Variants in PARP8 observed in about 807,000 individuals in gnomAD.
PARP8 encodes the protein protein mono-ADP-ribosyltransferase PARP8.
Under a neutral mutation model 124.1 loss-of-function variants are expected in PARP8, and 51 were observed. The observed-to-expected ratio is 0.41, with a 90% CI of 0.33 to 0.52. The LOEUF is 0.52. PARP8 is among the 20% of genes least tolerant of loss of function. The pLI is 0.21. For missense variants in PARP8, 860 were observed against 1,018.9 expected (o/e 0.84, Z 2.12); for synonymous variants, 391 against 361.5 (o/e 1.08, Z -0.93).
intron 7 of PARP8, among the ~76,000 whole-genome samples, chr5:50,770,321 C>T (rs1169537854): frequency 6.6e-6 from 1 of 152,140 alleles, no homozygotes; most frequent in Non-Finnish European, 1.5e-5. Flanking sequence ...CCCCTTCACA[C>T]TCCTGAAACT....
chr5:50,767,804 C>T (rs1006096161), intron 7 of PARP8, among the ~76,000 whole-genome samples: 1 of 152,174 alleles, frequency 6.6e-6, no homozygotes, highest in African/African-American at 2.4e-5. Context: ...GCAAAAACCA[C>T]ACATTGAGTA....
At chr5:50,807,831 T>C (rs1246979433) in intron 14 of PARP8, among the ~76,000 whole-genome samples, 3 of 152,114 alleles carry the variant, frequency 2.0e-5, no homozygotes, top group Non-Finnish European at 2.9e-5. Flanking sequence ...ATGAGAATTA[T>C]GATCTCATTC....
rs564753054 is a variant in PARP8 at position 50,728,751 on chromosome 5, T to A, written c.147-21400T>A. Among the ~76,000 whole-genome samples the A allele has an allele frequency of 1.3e-3, 202 of 152,230 alleles. 1 individual carries two copies. The highest frequency in any genetic ancestry group is 4.8e-3 in the African/African-American group (200 of 41,566). ...ATCAAGGAAGTTAGCTGTTTTTGAG[T>A]TGATAACTTCTCCATCAAAGTTTAA... On this transcript the variant is annotated intron_variant, in intron 2 of 25. Transcript: ENST00000281631.
intron 7 of PARP8, among the ~76,000 whole-genome samples, chr5:50,765,211 G>A (rs1760941390): frequency 2.0e-5 from 3 of 151,676 alleles, no homozygotes. Flanking sequence ...GCAGTGAGCT[G>A]AGATCGTGGC....
intron 14 of PARP8, among the ~76,000 whole-genome samples, chr5:50,811,809 A>T (rs190371011): frequency 6.6e-6 from 1 of 152,062 alleles, no homozygotes; most frequent in African/African-American, 2.4e-5. Flanking sequence ...TCATTGTTCA[A>T]TTCCCACCTA....
intron 10 of PARP8, among the ~76,000 whole-genome samples, chr5:50,792,289 A>T (rs1742048917): frequency 1.3e-5 from 2 of 152,102 alleles, no homozygotes; most frequent in African/African-American, 4.8e-5. Context: ...ATGTGTTCAT[A>T]TGTATACTCC....
intron 15 of PARP8, among the ~76,000 whole-genome samples, chr5:50,819,182 C>CT (rs1022670383): frequency 7.9e-5 from 12 of 151,866 alleles, no homozygotes; most frequent in Admixed American, 3.9e-4. Flanking sequence ...AGTAGTTACA[C>CT]TTTTTTTTGA....
chr5:50,769,989 G>A (rs1761438848), intron 7 of PARP8, among the ~76,000 whole-genome samples: 2 of 151,936 alleles, frequency 1.3e-5, no homozygotes, highest in South Asian at 2.1e-4. Context: ...TGATATATAA[G>A]TACTGTTTTT....
intron 2 of PARP8, among the ~76,000 whole-genome samples, chr5:50,701,403 G>A (rs2149475619): frequency 6.6e-6 from 1 of 152,204 alleles, no homozygotes; most frequent in East Asian, 1.9e-4. Flanking sequence ...CTTTGGCATA[G>A]TGAATTTGGT....
At position 50,760,330 on chromosome 5, in the gene PARP8, A is replaced by G. The variant is rs1484307479; in HGVS notation, c.313A>G (p.Ile105Val). Reference protein sequence around the residue: ...KTNDINCCLSIKSKLQKENGE... With the variant: ...KTNDINCCLSVKSKLQKENGE... ...AAATGACATTAACTGTTGCTTATCCATAAAATCCAAATTACAAAAGGAAAA... is the reference window on the plus strand; with the variant it reads ...AAATGACATTAACTGTTGCTTATCCGTAAAATCCAAATTACAAAAGGAAAA... Residue 105 changes from isoleucine (I) to valine (V), a missense_variant, in exon 5 of 26, where the codon ATA (isoleucine) becomes GTA (valine). By Grantham distance (29) the Ile-to-Val change is conservative (BLOSUM62 3). This residue lies in a region of PARP8 where 517 missense variants were observed against 544.2 expected (regional missense o/e 0.95). Transcript: ENST00000281631. 2.6e-6 allele frequency: 4 copies of G among 1,537,404 alleles called. No homozygotes were observed. Among genetic ancestry groups the G allele is most frequent in the East Asian group, 4.6e-5 (2 of 43,444 alleles).
chr5:50,751,799 G>A (rs1759295781), intron 3 of PARP8, among the ~76,000 whole-genome samples: 1 of 152,130 alleles, frequency 6.6e-6, no homozygotes, highest in African/African-American at 2.4e-5. Flanking sequence ...CTCTGGGGAA[G>A]TAGTGTTAGT....
intron 4 of PARP8, 125 bp downstream of exon 4, chr5:50,759,857 C>A: frequency 1.8e-6 from 2 of 1,140,336 alleles, no homozygotes; most frequent in South Asian, 2.2e-5. Flanking sequence ...AATCCAGTCT[C>A]CATACAAATT....
At position 50,846,200 on chromosome 5, in the gene PARP8, T is replaced by G. The variant is rs1298677676; in HGVS notation, c.*4132T>G. On this transcript the variant is annotated 3_prime_UTR_variant, in exon 26 of 26. Coordinates refer to ENST00000281631, the MANE Select transcript of PARP8 (RefSeq NM_024615.4). ...GATTTTTAAAAATGCATCCGCTCCA[T>G]TATGTAAACATTAAGATATGCCTAT... 1 of 151,828 alleles carries G rather than the reference T, an allele frequency of 6.6e-6. No individual in the cohort carries two copies. The highest frequency in any genetic ancestry group is 1.5e-5 in the Non-Finnish European group (1 of 67,804). 9.4% of individuals were successfully genotyped at this position (151,828 alleles called of 1,614,324 possible).
chr5:50,789,681 T>C (rs1741727440), intron 10 of PARP8, among the ~76,000 whole-genome samples: 1 of 152,190 alleles, frequency 6.6e-6, no homozygotes, highest in South Asian at 2.1e-4. Flanking sequence ...CTATACTTAA[T>C]ATCAGCTTTA....
Position 50,666,975 on chromosome 5 carries a change from T to A in PARP8, c.-121T>A. 1 of 1,398,386 alleles carries A rather than the reference T, an allele frequency of 7.2e-7. No individual in the cohort carries two copies. The highest frequency in any genetic ancestry group is 9.4e-7 in the Non-Finnish European group (1 of 1,060,214). 86.6% of individuals were successfully genotyped at this position (1,398,386 alleles called of 1,614,324 possible). On this transcript the variant is annotated 5_prime_UTR_variant, in exon 1 of 26. Coordinates refer to ENST00000281631, the MANE Select transcript of PARP8 (RefSeq NM_024615.4). ...GGATCACTTCCGAAACCACTTCGCC[T>A]TCAGCCCCTGCCTCGGCCAGAGGTT...
chr5:50,703,397 C>T (rs1753799040), intron 2 of PARP8, among the ~76,000 whole-genome samples: 1 of 151,668 alleles, frequency 6.6e-6, no homozygotes, highest in South Asian at 2.1e-4. Context: ...TTGTCTTCAT[C>T]ATTTATTCTG....
rs577967516 is a variant in PARP8, at chr5:50,670,028, G to A, written c.146+1903G>A. Reference sequence around the variant, plus strand: ...AAAAAGTTGTTACAGTGTAGTAACCGTAGATAATCCCTTTATGATTTGTAC... The same window carrying A: ...AAAAAGTTGTTACAGTGTAGTAACCATAGATAATCCCTTTATGATTTGTAC... On this transcript the variant is annotated intron_variant, in intron 2 of 25. Coordinates refer to ENST00000281631, the MANE Select transcript of PARP8 (RefSeq NM_024615.4). Among the ~76,000 whole-genome samples, 20 of 152,310 alleles carry A rather than the reference G, an allele frequency of 1.3e-4. No individual in the cohort carries two copies. In the South Asian group the frequency reaches 3.5e-3, roughly 27 times the overall value.
At chr5:50,822,297 C>CA (rs763633982) in intron 16 of PARP8, 38 bp from the exon 17 acceptor site, 2 of 1,440,502 alleles carry the variant, frequency 1.4e-6, no homozygotes, top group Admixed American at 3.4e-5. Context: ...AGCTTATAAG[C>CA]AAATGCTGTT....
chr5:50,812,848 G>A (rs1294499720), intron 14 of PARP8, among the ~76,000 whole-genome samples: 3 of 152,266 alleles, frequency 2.0e-5, no homozygotes, highest in East Asian at 3.9e-4. Flanking sequence ...TATTAAATAA[G>A]GAATCCTTTC....
Sources: allele counts gnomAD v4.1 joint callset (sites outside exome capture counted in the v4.1 genomes callset), GRCh38; gene constraint gnomAD v4.1.1; regional missense constraint gnomAD v4.1.1; transcripts MANE v1.5; gene names NCBI Gene and HGNC (gene_info 2026-07-23, HGNC 2026-07-21).